The following C13orf42 variants were observed in gnomAD, a reference collection of about 807,000 sequenced individuals.
C13orf42 encodes uncharacterized protein C13orf42.
rs1277461867 is a variant in C13orf42 at position 51,151,016 on chromosome 13, C to T, written n.136+21237G>A. Among the ~76,000 whole-genome samples, 4 of 152,190 alleles carry T rather than the reference C, an allele frequency of 2.6e-5. No individual in the cohort carries two copies. The East Asian group carries it at 7.7e-4, about 29-fold the overall frequency. ...GAACCCCCCTGGCCTGAGCTGTGTG[C>T]ATAAGGCCAATCACAGGCACAAATT... is the stretch of plus-strand genomic sequence containing the variant. On this transcript the variant is annotated intron_variant and non_coding_transcript_variant, in intron 1 of 4. Coordinates refer to the C13orf42 transcript ENST00000433280.
intron 1 of C13orf42, among the ~76,000 whole-genome samples, chr13:51,143,658 A>G (rs986964296): frequency 4.6e-5 from 7 of 152,192 alleles, no homozygotes; most frequent in African/African-American, 1.7e-4. Flanking sequence ...TGACTTTACA[A>G]TGACCTGTAA....
At chr13:51,138,013 G>T (rs35362741) in intron 1 of C13orf42, among the ~76,000 whole-genome samples, 1 of 151,894 alleles carries the variant, frequency 6.6e-6, no homozygotes, top group Admixed American at 6.6e-5. Flanking sequence ...AGGAGGGTTT[G>T]TGTCATCAGT....
At chr13:51,147,056 C>T (rs377627778) in intron 1 of C13orf42, among the ~76,000 whole-genome samples, 17 of 152,352 alleles carry the variant, frequency 1.1e-4, no homozygotes, top group African/African-American at 4.1e-4. Flanking sequence ...ACAGCTGCAG[C>T]TGCAAAAGGT....
intron 1 of C13orf42, among the ~76,000 whole-genome samples, chr13:51,093,517 G>T (rs1013644865): frequency 6.6e-6 from 1 of 152,142 alleles, no homozygotes; most frequent in African/African-American, 2.4e-5. Flanking sequence ...GTGACTGGTG[G>T]CTACTGAATT....
chr13:51,157,456 AAAATAAAATG>A (rs1262517313), intron 1 of C13orf42, among the ~76,000 whole-genome samples: 1 of 152,100 alleles, frequency 6.6e-6, no homozygotes, highest in Admixed American at 6.6e-5. Context: ...AAAATAAAAT[AAAATAAAATG>A]AAATAAAATT....
At chr13:51,157,686 G>T (rs940130218) in intron 1 of C13orf42, among the ~76,000 whole-genome samples, 1 of 152,094 alleles carries the variant, frequency 6.6e-6, no homozygotes, top group Non-Finnish European at 1.5e-5. Flanking sequence ...CCCTACACAC[G>T]CTTGTACAGG....
At chr13:51,143,061 T>C (rs1434543854) in intron 1 of C13orf42, among the ~76,000 whole-genome samples, 1 of 152,208 alleles carries the variant, frequency 6.6e-6, no homozygotes, top group East Asian at 1.9e-4. Flanking sequence ...ATTACATCCA[T>C]GTATCTTCCT....
chr13:51,121,113 G>A (rs935518117), intron 1 of C13orf42, among the ~76,000 whole-genome samples: 3 of 152,302 alleles, frequency 2.0e-5, no homozygotes, highest in African/African-American at 4.8e-5. Flanking sequence ...GTAGTGGTTG[G>A]TAGCTGAGCC....
chr13:51,109,293 C>T (rs1953398683), intron 1 of C13orf42, among the ~76,000 whole-genome samples: 1 of 152,190 alleles, frequency 6.6e-6, no homozygotes, highest in Non-Finnish European at 1.5e-5. Context: ...GTGGGCCAGT[C>T]AGTCATTCAA....
intron 1 of C13orf42, among the ~76,000 whole-genome samples, chr13:51,168,035 C>T (rs1253812717): frequency 1.3e-5 from 2 of 152,192 alleles, no homozygotes; most frequent in Non-Finnish European, 2.9e-5. Context: ...CCCTCAGTGG[C>T]TATACAACAC....
chr13:51,115,753 T>G (rs931644709), upstream of C13orf42, among the ~76,000 whole-genome samples: 1 of 152,202 alleles, frequency 6.6e-6, no homozygotes, highest in African/African-American at 2.4e-5. Context: ...GAATATTGAA[T>G]GAAGGGTAAG....
chr13:51,108,381 C>A (rs1400588120), intron 1 of C13orf42, among the ~76,000 whole-genome samples: 1 of 152,162 alleles, frequency 6.6e-6, no homozygotes, highest in Non-Finnish European at 1.5e-5. Flanking sequence ...TCTCCCAAAG[C>A]ATGGGGTAAC....
At chr13:51,144,407 A>C (rs984163367) in intron 1 of C13orf42, among the ~76,000 whole-genome samples, 1 of 118,186 alleles carries the variant, frequency 8.5e-6, no homozygotes, top group Non-Finnish European at 1.9e-5. Context: ...AATTTAGAGC[A>C]TATTTGTTTC....
At chr13:51,169,506 T>C (rs569395188) in intron 1 of C13orf42, among the ~76,000 whole-genome samples, 82 of 152,274 alleles carry the variant, frequency 5.4e-4, no homozygotes, top group Non-Finnish European at 1.1e-3. Flanking sequence ...ATAGCCAACA[T>C]AATAGGGAAA....
At chr13:51,171,137 C>T (rs1343012841) in intron 1 of C13orf42, among the ~76,000 whole-genome samples, 1 of 152,072 alleles carries the variant, frequency 6.6e-6, no homozygotes, top group East Asian at 1.9e-4. Context: ...AGCTTCCACC[C>T]TCCATTCCTC....
In C13orf42 at chr13:51,149,312, GAA is replaced by G. The variant is rs60935214; in HGVS notation, n.136+22939_136+22940del. Among the ~76,000 whole-genome samples the G allele has an allele frequency of 6.8e-5, 7 of 103,080 alleles. No homozygotes were observed. In the East Asian group the frequency reaches 1.8e-3, roughly 26 times the overall value. 67.6% of individuals were successfully genotyped at this position (103,080 alleles called of 152,430 possible). A position where few individuals can be genotyped will look rare whatever the true frequency, so the allele number is the denominator to read the frequency against. On this transcript the variant is annotated intron_variant and non_coding_transcript_variant, in intron 1 of 4. Transcript: ENST00000433280. Reference sequence around the variant, plus strand: ...TAGGAAGTGGCCAAAGGCTGAAATTGAAAAAAAAAAAAAAAAAACCCTAAAAA... The same window carrying G: ...TAGGAAGTGGCCAAAGGCTGAAATTGAAAAAAAAAAAAAAAACCCTAAAAA...
chr13:51,124,085 CTT>C (rs1953557305), intron 1 of C13orf42, among the ~76,000 whole-genome samples: 1 of 152,284 alleles, frequency 6.6e-6, no homozygotes, highest in African/African-American at 2.4e-5. Context: ...TTTGAGATGT[CTT>C]TTCCAGTTTT....
intron 1 of C13orf42, among the ~76,000 whole-genome samples, chr13:51,152,121 A>C (rs1359327701): frequency 6.6e-6 from 1 of 152,204 alleles, no homozygotes; most frequent in Non-Finnish European, 1.5e-5. Context: ...GGAAAGAAAG[A>C]AACAGGTTCC....
intron 1 of C13orf42, among the ~76,000 whole-genome samples, chr13:51,138,421 TAGACATTAGTCAAAAGA>T (rs1452637405): frequency 6.6e-6 from 1 of 152,092 alleles, no homozygotes; most frequent in Non-Finnish European, 1.5e-5. Flanking sequence ...AGAACCTGGA[TAGACATTAGTCAAAAGA>T]AGACATGCAT....
Sources: allele counts gnomAD v4.1 joint callset (sites outside exome capture counted in the v4.1 genomes callset), GRCh38; gene constraint gnomAD v4.1.1; transcripts MANE v1.5; gene names NCBI Gene and HGNC (gene_info 2026-07-23, HGNC 2026-07-21).